Variants in PRKN observed in about 807,000 individuals in gnomAD.
PRKN encodes E3 ubiquitin-protein ligase parkin.
In PRKN, 56 loss-of-function variants were observed where a neutral mutation model predicts 59.5. The ratio of observed to expected loss-of-function variants is 0.94; its 90% confidence interval spans 0.76 to 1.18. The LOEUF is 1.18. Ranked by LOEUF, PRKN falls within the 50% of genes most tolerant of loss-of-function variation. The pLI is 0.00. For missense variants in PRKN, 657 were observed against 596.4 expected (o/e 1.10, Z -1.06); for synonymous variants, 250 against 222.1 (o/e 1.13, Z -1.12).
chr6:162,609,894 A>G (rs545645788), intron 1 of PRKN, among the ~76,000 whole-genome samples: 52 of 152,226 alleles, frequency 3.4e-4, no homozygotes, highest in Non-Finnish European at 6.8e-4. Flanking sequence ...TCTTAAACGC[A>G]TAACACAGAC....
At chr6:162,622,860 G>A (rs1046524207) in intron 1 of PRKN, among the ~76,000 whole-genome samples, 4 of 152,118 alleles carry the variant, frequency 2.6e-5, no homozygotes, top group South Asian at 2.1e-4. Context: ...TATTTTACAC[G>A]TGAAATGCTT....
chr6:161,535,578 C>T (rs1389916945), intron 9 of PRKN, among the ~76,000 whole-genome samples: 2 of 152,254 alleles, frequency 1.3e-5, no homozygotes, highest in South Asian at 2.1e-4. Context: ...ACCCCGAATA[C>T]AGATATTTCC....
At chr6:162,302,843 C>T (rs1168920988) in intron 2 of PRKN, among the ~76,000 whole-genome samples, 1 of 152,022 alleles carries the variant, frequency 6.6e-6, no homozygotes, top group Non-Finnish European at 1.5e-5. Context: ...AATTCACCTC[C>T]CACTGCCACA....
In PRKN at chr6:161,352,517, TTG is replaced by T. The variant is rs529464523; in HGVS notation, c.1286-2308_1286-2307del. Among the ~76,000 whole-genome samples, 72 of 151,948 alleles carry T rather than the reference TTG, an allele frequency of 4.7e-4. No individual in the cohort carries two copies. Among genetic ancestry groups the T allele is most frequent in the African/African-American group, 1.7e-3 (69 of 41,508 alleles). ...ATATGGTGTGACATTATAAAACCAC[TTG>T]TTTCTCTAAAATATCATAAATATTT... On this transcript the variant is annotated intron_variant, in intron 11 of 11. Transcript: ENST00000366898. The surrounding 1 kb of genome is among the most constrained non-coding windows in gnomAD (Gnocchi z 5.8).
At chr6:162,624,250 C>CAAA (rs752288555) in intron 1 of PRKN, 154 of 127,470 alleles carry the variant, frequency 1.2e-3, no homozygotes, top group Admixed American at 2.3e-3. Context: ...TCTGTCTCCA[C>CAAA]AAAAAAAAAA....
rs904805962 is a variant in PRKN, at chr6:161,442,694, C to A, written c.1084-55817G>T. 6.6e-6 allele frequency among the ~76,000 whole-genome samples: 1 copy of A among 152,220 alleles called. No individual in the cohort carries two copies. Among genetic ancestry groups the A allele is most frequent in the African/African-American group, 2.4e-5 (1 of 41,458 alleles). On this transcript the variant is annotated intron_variant, in intron 9 of 11. Coordinates refer to ENST00000366898, the MANE Select transcript of PRKN (RefSeq NM_004562.3). This position sits in a 1 kb window ranked among gnomAD's most constrained non-coding sequence, Gnocchi z 4.6. ...TTGGAATTTAGCTGTTCCTTCGGGG[C>A]CCCGCTTACACACCAACACCCATGA...
In PRKN at chr6:162,335,977, A is replaced by G. The variant is rs544935162; in HGVS notation, c.172-73212T>C. Among the ~76,000 whole-genome samples the G allele has an allele frequency of 2.9e-4, 44 of 151,694 alleles. 1 individual carries two copies. Among genetic ancestry groups the G allele is most frequent in the African/African-American group, 1.0e-3 (42 of 41,266 alleles). ...TTCAAGTAATTACAGTGATTCTGCC[A>G]CACACCTTGGCTTTCTCTGAGCAGT... On this transcript the variant is annotated intron_variant, in intron 2 of 11. Transcript: ENST00000366898.
At chr6:161,673,076 C>T (rs368712462) in intron 7 of PRKN, among the ~76,000 whole-genome samples, 4 of 152,262 alleles carry the variant, frequency 2.6e-5, no homozygotes, top group African/African-American at 9.6e-5. Context: ...ACTTCATAAT[C>T]ACCCGTGCAG....
intron 8 of PRKN, among the ~76,000 whole-genome samples, chr6:161,557,965 C>T (rs557327530): frequency 7.2e-5 from 11 of 152,294 alleles, no homozygotes; most frequent in African/African-American, 1.7e-4. Context: ...AAAAGCACTT[C>T]GGGGACTCCC....
intron 2 of PRKN, among the ~76,000 whole-genome samples, chr6:162,431,566 C>G (rs931504490): frequency 6.6e-6 from 1 of 151,294 alleles, no homozygotes; most frequent in Admixed American, 6.6e-5. Context: ...TCAAAAAAAA[C>G]AAAACAAAAC....
chr6:161,803,608 C>T (rs531424354), intron 6 of PRKN, among the ~76,000 whole-genome samples: 2 of 152,170 alleles, frequency 1.3e-5, no homozygotes, highest in Non-Finnish European at 2.9e-5. Context: ...CGGGTGGAGC[C>T]GAGAGGTGTG....
chr6:162,589,602 C>G (rs1479795869), intron 1 of PRKN, among the ~76,000 whole-genome samples: 1 of 151,970 alleles, frequency 6.6e-6, no homozygotes, highest in African/African-American at 2.4e-5. Context: ...GCAACGCATT[C>G]AAAACACATC....
intron 1 of PRKN, among the ~76,000 whole-genome samples, chr6:162,710,441 G>C (rs1326625255): frequency 6.8e-6 from 1 of 145,988 alleles, no homozygotes; most frequent in East Asian, 2.0e-4. Flanking sequence ...GAGGAAGAAA[G>C]GAACTCAACT....
At chr6:162,052,422 G>A (rs1249049815) in intron 5 of PRKN, among the ~76,000 whole-genome samples, 2 of 151,886 alleles carry the variant, frequency 1.3e-5, no homozygotes, top group African/African-American at 4.8e-5. Flanking sequence ...CAATTTCTAT[G>A]TTCTTTACTG....
chr6:161,731,871 TTAA>T (rs1787727567), intron 7 of PRKN, among the ~76,000 whole-genome samples: 1 of 152,202 alleles, frequency 6.6e-6, no homozygotes, highest in South Asian at 2.1e-4. Flanking sequence ...AAATATTATG[TTAA>T]TAACTGTGAC....
intron 2 of PRKN, among the ~76,000 whole-genome samples, chr6:162,373,651 C>T (rs1197845343): frequency 6.6e-6 from 1 of 152,144 alleles, no homozygotes; most frequent in East Asian, 1.9e-4. Flanking sequence ...TCTTAATACC[C>T]TTATATAGGA....
chr6:162,080,779 T>C (rs1779025641), intron 4 of PRKN, among the ~76,000 whole-genome samples: 1 of 152,076 alleles, frequency 6.6e-6, no homozygotes, highest in African/African-American at 2.4e-5. Flanking sequence ...ACTGATGGAC[T>C]CTTCATTTCA....
chr6:162,429,592 TAC>T (rs1048842429), intron 2 of PRKN, among the ~76,000 whole-genome samples: 13 of 152,266 alleles, frequency 8.5e-5, no homozygotes, highest in African/African-American at 3.1e-4. Context: ...AGTCTCACGC[TAC>T]AGTCTCCTAA....
chr6:162,299,589 AAT>A (rs1583336971), intron 2 of PRKN, among the ~76,000 whole-genome samples: 1 of 151,908 alleles, frequency 6.6e-6, no homozygotes, highest in East Asian at 1.9e-4. Context: ...AAATTATGCA[AAT>A]ATATATAAAC....
Sources: gnomAD v4.1 joint callset for allele counts (sites outside exome capture counted in the v4.1 genomes callset) on GRCh38, gnomAD v4.1.1 for gene constraint, Gnocchi (gnomAD v3.1) non-coding constraint, MANE v1.5 for transcripts, NCBI Gene and HGNC (gene_info 2026-07-23, HGNC 2026-07-21) for gene names.